The following CHRM5 variants were observed in gnomAD, a reference collection of about 807,000 sequenced individuals.
CHRM5 encodes cholinergic receptor muscarinic 5.
A neutral mutation model predicts 39.0 loss-of-function variants in CHRM5; 18 were observed. The ratio of observed to expected loss-of-function variants is 0.46; its 90% CI spans 0.32 to 0.68. The LOEUF is 0.68. Ranked by LOEUF, CHRM5 falls within the 30% of genes least tolerant of loss-of-function variation. The probability of loss-of-function intolerance (pLI) is 0.04; values close to 1 mark genes in which losing one functional copy is unlikely to be tolerated. For missense variants in CHRM5, 515 were observed against 651.1 expected (o/e 0.79, Z 2.28); for synonymous variants, 241 against 246.3 (o/e 0.98, Z 0.20).
At chr15:34,044,034 C>T (rs114536972) in intron 1 of CHRM5, among the ~76,000 whole-genome samples, 2,172 of 151,640 alleles carry the variant, frequency 0.014, 61 homozygotes, top group African/African-American at 0.05. Flanking sequence ...CAGTTGGTAC[C>T]TTCTAATGAA....
chr15:33,971,557 A>G (rs1056967055), intron 1 of CHRM5, among the ~76,000 whole-genome samples: 4 of 152,116 alleles, frequency 2.6e-5, no homozygotes, highest in African/African-American at 7.2e-5. Flanking sequence ...CTGAAATACC[A>G]AGCAACATAA....
At chr15:34,058,437 C>A (rs1025968174) in intron 2 of CHRM5, among the ~76,000 whole-genome samples, 5 of 151,968 alleles carry the variant, frequency 3.3e-5, no homozygotes, top group African/African-American at 1.2e-4. Flanking sequence ...AGTCAACAAA[C>A]CTAAACTAAG....
At chr15:34,018,487 G>A (rs1261242559) in intron 1 of CHRM5, 2 of 152,246 alleles carry the variant, frequency 1.3e-5, no homozygotes, top group African/African-American at 2.4e-5. Flanking sequence ...AGTTTTTAAA[G>A]GTAGTGCGTC....
At chr15:34,049,695 T>C (rs1345839160) in intron 2 of CHRM5, among the ~76,000 whole-genome samples, 1 of 151,900 alleles carries the variant, frequency 6.6e-6, no homozygotes, top group East Asian at 1.9e-4. Flanking sequence ...CCCAGTAAGA[T>C]ACTCCACAAG....
rs538246427 is a variant in CHRM5, at chr15:34,039,207, AGCGGG to A, written c.-407-7318_-407-7314del. 2,314 of 565,422 alleles carry A rather than the reference AGCGGG, an allele frequency of 4.1e-3. 58 individuals carry two copies. In the African/African-American group the frequency reaches 0.043, roughly 11 times the overall value. The allele number at this position is 565,422 out of a possible 1,614,324, so 35.0% of individuals were successfully genotyped here. Reference sequence around the variant, plus strand: ...TAGGGATCGAGGCCGGCCGCAGCGGAGCGGGGCGGGGCGGGGCGGCCGGCGTCCCG... The same window carrying A: ...TAGGGATCGAGGCCGGCCGCAGCGGAGCGGGGCGGGGCGGCCGGCGTCCCG... On this transcript the variant is annotated intron_variant, in intron 1 of 2. Coordinates refer to ENST00000383263, the MANE Select transcript of CHRM5 (RefSeq NM_012125.4).
intron 1 of CHRM5, among the ~76,000 whole-genome samples, chr15:34,039,471 A>T (rs1256198054): frequency 6.6e-6 from 1 of 152,246 alleles, no homozygotes; most frequent in Non-Finnish European, 1.5e-5. Context: ...ATACATACTA[A>T]AATGTTAGTG....
chr15:33,974,160 T>G (rs1895769216), intron 1 of CHRM5, among the ~76,000 whole-genome samples: 1 of 152,220 alleles, frequency 6.6e-6, no homozygotes, highest in Non-Finnish European at 1.5e-5. Context: ...ATTTCATCGA[T>G]AATCCAAAAG....
At chr15:34,047,298 G>C (rs1275294989) in intron 2 of CHRM5, among the ~76,000 whole-genome samples, 1 of 152,088 alleles carries the variant, frequency 6.6e-6, no homozygotes, top group African/African-American at 2.4e-5. Context: ...AGAATGGTCT[G>C]GATCTCCTGA....
At chr15:34,019,080 T>C (rs1898093386) in intron 1 of CHRM5, among the ~76,000 whole-genome samples, 1 of 152,016 alleles carries the variant, frequency 6.6e-6, no homozygotes, top group Non-Finnish European at 1.5e-5. Context: ...TTCAATCCTT[T>C]AGCTAGACAC....
intron 1 of CHRM5, chr15:33,991,270 C>T (rs1409587661): frequency 2.6e-5 from 4 of 152,132 alleles, no homozygotes; most frequent in Non-Finnish European, 4.4e-5. Flanking sequence ...GACCTTCTAA[C>T]ACTTTTCAAG....
intron 1 of CHRM5, among the ~76,000 whole-genome samples, chr15:34,044,455 T>TAA (rs1275035080): frequency 3.3e-5 from 5 of 152,236 alleles, no homozygotes; most frequent in Non-Finnish European, 5.9e-5. Context: ...AAGATATATA[T>TAA]AATCCTTGCC....
chr15:33,999,679 C>T (rs1316072502), intron 1 of CHRM5, among the ~76,000 whole-genome samples: 1 of 152,170 alleles, frequency 6.6e-6, no homozygotes, highest in Non-Finnish European at 1.5e-5. Flanking sequence ...ACCTCCACTG[C>T]TCTCCTCTGG....
At chr15:34,000,276 A>C (rs1597332992) in intron 1 of CHRM5, among the ~76,000 whole-genome samples, 1 of 152,120 alleles carries the variant, frequency 6.6e-6, no homozygotes, top group South Asian at 2.1e-4. Flanking sequence ...TAGAAAGTCA[A>C]CTCTGTGAGA....
At chr15:34,017,056 G>A (rs1161152563) in intron 1 of CHRM5, among the ~76,000 whole-genome samples, 1 of 151,956 alleles carries the variant, frequency 6.6e-6, no homozygotes, top group Non-Finnish European at 1.5e-5. Flanking sequence ...ACCTCAGCCT[G>A]GGGAGGTCAA....
intron 1 of CHRM5, among the ~76,000 whole-genome samples, chr15:34,040,182 CT>C (rs1341298569): frequency 6.6e-6 from 1 of 152,072 alleles, no homozygotes; most frequent in Non-Finnish European, 1.5e-5. Context: ...AAAAAAAAAC[CT>C]TGCCCCTGCC....
At chr15:34,017,531 G>A (rs1038787758) in intron 1 of CHRM5, among the ~76,000 whole-genome samples, 4 of 141,262 alleles carry the variant, frequency 2.8e-5, no homozygotes, top group East Asian at 2.2e-4. Flanking sequence ...CATCCAGGCC[G>A]GAGTGCAGTA....
intron 1 of CHRM5, among the ~76,000 whole-genome samples, chr15:34,034,445 T>TA (rs769830072): frequency 0.014 from 1,224 of 86,140 alleles, 23 homozygotes; most frequent in Admixed American, 0.076. Context: ...AGTTTCTTTT[T>TA]TAAAAAAAAA....
intron 1 of CHRM5, among the ~76,000 whole-genome samples, chr15:34,043,316 A>G (rs1274558842): frequency 6.6e-6 from 1 of 151,754 alleles, no homozygotes; most frequent in East Asian, 1.9e-4. Flanking sequence ...TTATGATAGG[A>G]CTTAGAAAAA....
chr15:34,056,027 A>C (rs942359053), intron 2 of CHRM5, among the ~76,000 whole-genome samples: 7 of 152,134 alleles, frequency 4.6e-5, no homozygotes, highest in Admixed American at 3.9e-4. Context: ...CTAAGCAGGT[A>C]TTGTTATACG....
Sources: gnomAD v4.1 joint callset for allele counts (sites outside exome capture counted in the v4.1 genomes callset) on GRCh38, gnomAD v4.1.1 for gene constraint, MANE v1.5 for transcripts, NCBI Gene and HGNC (gene_info 2026-07-23, HGNC 2026-07-21) for gene names.